The following SHLD1 variants were observed in gnomAD, a reference collection of about 807,000 sequenced individuals.
SHLD1 encodes shieldin complex subunit 1, also known as RINN1-REV7-interacting novel NHEJ regulator 3.
A neutral mutation model predicts 5.5 loss-of-function variants in SHLD1; 3 were observed. The ratio of observed to expected loss-of-function variants is 0.54; its 90% confidence interval spans 0.25 to 1.40. SHLD1 has a LOEUF of 1.40. SHLD1 is among the 40% of genes most tolerant of loss of function. The probability of loss-of-function intolerance (pLI) is 0.15; values close to 1 mark genes in which losing one functional copy is unlikely to be tolerated. For synonymous variants in SHLD1, 92 were observed against 94.3 expected (o/e 0.98, Z 0.14); for missense variants, 210 against 244.4 (o/e 0.86, Z 0.94).
chr20:5,813,548 T>C (rs963662641), intron 2 of SHLD1, among the ~76,000 whole-genome samples: 4 of 152,230 alleles, frequency 2.6e-5, no homozygotes, highest in East Asian at 1.9e-4. Context: ...AAGGGGTATA[T>C]AGACACTAAA....
chr20:5,756,689 C>CTTTTT (rs35462391), intron 1 of SHLD1: 114 of 80,334 alleles, frequency 1.4e-3, no homozygotes, highest in African/African-American at 2.2e-3. Flanking sequence ...TTCTTTCTTT[C>CTTTTT]TTTTTTTTTT....
chr20:5,815,588 T>G (rs751365828), intron 2 of SHLD1, among the ~76,000 whole-genome samples: 2 of 152,186 alleles, frequency 1.3e-5, no homozygotes, highest in Non-Finnish European at 2.9e-5. Flanking sequence ...AAGAAGAAGA[T>G]GTAACTGGGC....
chr20:5,775,945 T>TTTTTTTTTTTTTA (rs1985408089), intron 2 of SHLD1, among the ~76,000 whole-genome samples: 1 of 143,600 alleles, frequency 7.0e-6, no homozygotes, highest in Non-Finnish European at 1.5e-5. Context: ...TTTTTTTTTT[T>TTTTTTTTTTTTTA]GAGATGGAGT....
chr20:5,772,797 C>G, intron 1 of SHLD1, 65 bp from the exon 2 acceptor site: 1 of 1,371,110 alleles, frequency 7.3e-7, no homozygotes, highest in Non-Finnish European at 1.0e-6. Context: ...CAAGCTCTGT[C>G]TCCAATGAAG....
rs912696976 is a variant in SHLD1 at position 5,863,566 on chromosome 20, G to T, written c.*103G>T. ...CTAGGGTCTCTGGCCAGCTCTGTGT[G>T]CCCAATCCCAATTAAGTGCTTTGAG... On this transcript the variant is annotated 3_prime_UTR_variant, in exon 3 of 3. Transcript: ENST00000303142. The T allele has an allele frequency of 1.3e-4, 154 of 1,178,158 alleles. No homozygotes were observed. Among genetic ancestry groups the T allele is most frequent in the Admixed American group, 2.1e-4 (9 of 42,162 alleles). 73.0% of individuals were successfully genotyped at this position (1,178,158 alleles called of 1,614,324 possible).
At chr20:5,856,499 G>C (rs1024508942) in intron 2 of SHLD1, among the ~76,000 whole-genome samples, 2 of 149,746 alleles carry the variant, frequency 1.3e-5, no homozygotes, top group African/African-American at 5.0e-5. Context: ...GGAGAAAAAA[G>C]TGAGGCGTGG....
At chr20:5,856,081 TG>T (rs946385994) in intron 2 of SHLD1, among the ~76,000 whole-genome samples, 13 of 152,246 alleles carry the variant, frequency 8.5e-5, no homozygotes, top group African/African-American at 3.1e-4. Context: ...CACAGATCTC[TG>T]GGTAATGAGA....
chr20:5,807,560 T>C (rs781577299), intron 2 of SHLD1, among the ~76,000 whole-genome samples: 1 of 152,010 alleles, frequency 6.6e-6, no homozygotes, highest in Non-Finnish European at 1.5e-5. Flanking sequence ...TTTTGTAGAG[T>C]TGAGGTCTCG....
At chr20:5,777,987 TTA>T (rs1263892546) in intron 2 of SHLD1, among the ~76,000 whole-genome samples, 1 of 152,158 alleles carries the variant, frequency 6.6e-6, no homozygotes, top group Non-Finnish European at 1.5e-5. Flanking sequence ...TGTAGTACTT[TTA>T]TATGTTTTGC....
intron 2 of SHLD1, among the ~76,000 whole-genome samples, chr20:5,819,683 A>G (rs2087582766): frequency 1.3e-5 from 2 of 152,180 alleles, no homozygotes; most frequent in South Asian, 2.1e-4. Context: ...TTAGCCAGGC[A>G]TGGTGGAGTA....
chr20:5,833,138 A>G (rs902698149), intron 2 of SHLD1, among the ~76,000 whole-genome samples: 3 of 152,162 alleles, frequency 2.0e-5, no homozygotes, highest in Admixed American at 2.0e-4. Flanking sequence ...ATAGACTCCT[A>G]AAACAGTCCT....
chr20:5,844,797 A>ATTTTTT (rs1332769444), intron 2 of SHLD1, among the ~76,000 whole-genome samples: 5 of 95,194 alleles, frequency 5.3e-5, no homozygotes, highest in East Asian at 3.3e-4. Flanking sequence ...ATATATATAT[A>ATTTTTT]TATTTTTTTT....
intron 2 of SHLD1, among the ~76,000 whole-genome samples, chr20:5,803,247 C>T (rs1369016423): frequency 1.3e-5 from 2 of 152,020 alleles, no homozygotes; most frequent in African/African-American, 4.8e-5. Flanking sequence ...CTCACTGCAG[C>T]TTTGAACTCC....
intron 2 of SHLD1, among the ~76,000 whole-genome samples, chr20:5,824,804 T>C (rs2087647720): frequency 6.6e-6 from 1 of 152,198 alleles, no homozygotes; most frequent in Admixed American, 6.5e-5. Context: ...CTAAAATTCA[T>C]ACTGCTTTTT....
chr20:5,764,136 A>AT lies in SHLD1; in HGVS notation c.-4-8726_-4-8725insT, dbSNP rs1568489916. On this transcript the variant is annotated intron_variant, in intron 1 of 2. Transcript: ENST00000303142. ...AGCAAGGCTCTGTCTCAAAAAAAAA[A>AT]AAAATATATATATATTTATATTTAT... Among the ~76,000 whole-genome samples, 26 of 80,138 alleles carry AT rather than the reference A, an allele frequency of 3.2e-4. 1 individual carries two copies. The highest frequency in any genetic ancestry group is 1.2e-3 in the African/African-American group (20 of 16,260). The allele number at this position is 80,138 out of a possible 152,430, so 52.6% of individuals were successfully genotyped here.
intron 1 of SHLD1, among the ~76,000 whole-genome samples, chr20:5,768,461 T>C (rs1345871761): frequency 1.3e-5 from 2 of 152,378 alleles, no homozygotes; most frequent in East Asian, 3.9e-4. Flanking sequence ...TAACAAGGTA[T>C]GTGTCTGTGT....
chr20:5,750,595 G>C (rs1458375902), intron 1 of SHLD1, 116 bp downstream of exon 1: 6 of 152,104 alleles, frequency 3.9e-5, no homozygotes, highest in South Asian at 2.1e-4. Flanking sequence ...GGCATGTCAG[G>C]ATTTCCTGCT....
intron 1 of SHLD1, among the ~76,000 whole-genome samples, chr20:5,761,852 C>T (rs1426114143): frequency 6.6e-6 from 1 of 151,994 alleles, no homozygotes; most frequent in Non-Finnish European, 1.5e-5. Flanking sequence ...AAGTCATCCA[C>T]CTGCCTCGGC....
chr20:5,780,903 G>A (rs1412027409), intron 2 of SHLD1, among the ~76,000 whole-genome samples: 2 of 152,256 alleles, frequency 1.3e-5, no homozygotes, highest in South Asian at 2.1e-4. Context: ...CCCAACTGCC[G>A]CATCACTGTT....
Sources: allele counts gnomAD v4.1 joint callset (sites outside exome capture counted in the v4.1 genomes callset), GRCh38; gene constraint gnomAD v4.1.1; transcripts MANE v1.5; gene names NCBI Gene and HGNC (gene_info 2026-07-23, HGNC 2026-07-21).